Variants in KLHDC4 observed in about 807,000 individuals in gnomAD.
KLHDC4 encodes the protein kelch domain containing 4.
In KLHDC4, 90 loss-of-function variants were observed where a neutral mutation model predicts 62.4. The observed-to-expected ratio is 1.44, with a 90% CI of 1.22 to 1.72. The LOEUF (loss-of-function observed/expected upper bound fraction) is 1.72. Among genes scored for constraint, KLHDC4 ranks in the 40% most tolerant of loss-of-function variants. The pLI, the probability that KLHDC4 is intolerant of heterozygous loss-of-function variation, is 0.00. For synonymous variants in KLHDC4, 386 were observed against 284.4 expected, an observed-to-expected ratio of 1.36 and a Z score of -3.59; for missense variants, 1,025 against 699.7, an observed-to-expected ratio of 1.47 and a Z score of -5.25.
At chr16:87,737,924 G>A (rs1390993296) in intron 5 of KLHDC4, among the ~76,000 whole-genome samples, 3 of 152,114 alleles carry the variant, frequency 2.0e-5, no homozygotes, top group Non-Finnish European at 4.4e-5. Context: ...TCCCACCTCC[G>A]TCCTATCAGA....
At position 87,720,346 on chromosome 16, in the gene KLHDC4, G is replaced by A. The variant is rs114557962; in HGVS notation, c.760-5773C>T. Among the ~76,000 whole-genome samples the A allele has an allele frequency of 3.2e-3, 481 of 152,246 alleles. 1 individual carries two copies. Among genetic ancestry groups the A allele is most frequent in the African/African-American group, 0.011 (466 of 41,536 alleles). On this transcript the variant is annotated intron_variant, in intron 7 of 11. Transcript: ENST00000270583. ...GTGTCGGTTCCAAGCGGACGTGTGTGAACACAGAAACCATGGGGGCCGCTC... is the reference window on the plus strand; with the variant it reads ...GTGTCGGTTCCAAGCGGACGTGTGTAAACACAGAAACCATGGGGGCCGCTC...
At chr16:87,739,734 G>A (rs35933214) in intron 5 of KLHDC4, 2,932 of 152,452 alleles carry the variant, frequency 0.019, 96 homozygotes, top group African/African-American at 0.067. Context: ...AGCACCACGC[G>A]GAAAGAAGAG....
At chr16:87,753,267 C>G (rs1047376290) in intron 4 of KLHDC4, among the ~76,000 whole-genome samples, 1 of 152,230 alleles carries the variant, frequency 6.6e-6, no homozygotes, top group African/African-American at 2.4e-5. Flanking sequence ...ACTGTGAAGA[C>G]AAAAGCATCT....
exon 1 of KLHDC4, chr16:87,702,468 T>C (rs563225880): frequency 2.8e-5 from 10 of 362,834 alleles, no homozygotes; most frequent in South Asian, 4.1e-5. Context: ...CGTCCCCAAA[T>C]GTAGCCACAT....
Position 87,761,983 on chromosome 16 carries a change from T to G in KLHDC4, c.157A>C (p.Thr53Pro), listed in dbSNP as rs375989397. 4.2e-5 allele frequency: 67 copies of G among 1,614,006 alleles called. No homozygotes were observed. The African/African-American group carries it at 8.0e-4, about 19-fold the overall frequency. ...GGTGGGGGGCACGGAAGTTCCACAGTCTGAGTCCTCTTGGCATCGAGTGTC... is the reference window on the plus strand; with the variant it reads ...GGTGGGGGGCACGGAAGTTCCACAGGCTGAGTCCTCTTGGCATCGAGTGTC... Reference protein sequence around the residue: ...FQTLDAKRTQTVELPCPPPSP... With the variant: ...FQTLDAKRTQPVELPCPPPSP... The change falls in exon 2 of 12, where the codon ACT becomes CCT. Residue 53 changes from threonine to proline, a missense_variant. Transcript: ENST00000270583.
At chr16:87,720,693 G>C (rs759963324) in intron 7 of KLHDC4, among the ~76,000 whole-genome samples, 1 of 152,250 alleles carries the variant, frequency 6.6e-6, no homozygotes, top group Non-Finnish European at 1.5e-5. Context: ...CCTCCAGGCA[G>C]AGCTGCTGCT....
intron 4 of KLHDC4, 114 bp downstream of exon 4, chr16:87,755,080 C>G (rs1019797): frequency 0.28 from 185,806 of 669,674 alleles, 28,063 homozygotes; most frequent in South Asian, 0.47. Flanking sequence ...ACCAGGCGAT[C>G]TACAGGGCCC....
downstream of KLHDC4, among the ~76,000 whole-genome samples, chr16:87,706,306 A>C (rs768488529): frequency 5.2e-4 from 68 of 131,148 alleles, no homozygotes; most frequent in Non-Finnish European, 8.9e-4. Context: ...GGCACAACCC[A>C]AACACAAGCT....
At chr16:87,741,118 G>C (rs899715678) in intron 5 of KLHDC4, among the ~76,000 whole-genome samples, 3 of 152,184 alleles carry the variant, frequency 2.0e-5, no homozygotes, top group African/African-American at 7.2e-5. Flanking sequence ...GAAGATGAGG[G>C]ACTGTTACAA....
chr16:87,751,835 A>G (rs1347152642), intron 4 of KLHDC4, among the ~76,000 whole-genome samples: 1 of 152,206 alleles, frequency 6.6e-6, no homozygotes, highest in South Asian at 2.1e-4. Context: ...GCACTTTGGG[A>G]GGCCGAGGCG....
intron 5 of KLHDC4, chr16:87,747,462 G>C (rs2043208391): frequency 6.6e-6 from 1 of 152,196 alleles, no homozygotes. Flanking sequence ...TTTTTAGCAT[G>C]AAAGTAATTT....
intron 2 of KLHDC4, among the ~76,000 whole-genome samples, chr16:87,759,149 G>T (rs1731775737): frequency 6.6e-6 from 1 of 152,130 alleles, no homozygotes; most frequent in South Asian, 2.1e-4. Context: ...TCCAGCCTGG[G>T]CAACAAGAGC....
intron 8 of KLHDC4, among the ~76,000 whole-genome samples, chr16:87,711,723 G>C (rs1032579119): frequency 6.6e-6 from 1 of 152,192 alleles, no homozygotes; most frequent in Non-Finnish European, 1.5e-5. Context: ...GAAAGGCAGG[G>C]ATTGGGCAGA....
At chr16:87,711,953 G>A (rs976695045) in intron 8 of KLHDC4, among the ~76,000 whole-genome samples, 33 of 148,554 alleles carry the variant, frequency 2.2e-4, no homozygotes, top group African/African-American at 6.3e-4. Flanking sequence ...GGGACCCTCC[G>A]CCCTGCAAGG....
At chr16:87,707,784 G>A, downstream of KLHDC4, 1 of 366,532 alleles carries the variant, frequency 2.7e-6, no homozygotes, top group Non-Finnish European at 5.5e-6. Context: ...TGTGCCTAGG[G>A]CCACACAGAA....
At chr16:87,748,625 G>A in intron 5 of KLHDC4, 48 bp downstream of exon 5, 1 of 1,610,690 alleles carries the variant, frequency 6.2e-7, no homozygotes, top group Non-Finnish European at 8.5e-7. Flanking sequence ...CAGCACACAA[G>A]CACAGAAGAG....
rs764198661 is a variant in KLHDC4, at chr16:87,714,479, G to T, written c.835+19C>A. On this transcript the variant is annotated intron_variant, in intron 8 of 11. Transcript: ENST00000270583. ...ACACAGACCAGCCAGCTCCCGCCCT[G>T]GAGGCACAGCACCTCTACCTTCTCT... The T allele has an allele frequency of 2.8e-5, 45 of 1,613,712 alleles. No individual in the cohort carries two copies. Among genetic ancestry groups the T allele is most frequent in the Non-Finnish European group, 3.6e-5 (43 of 1,179,880 alleles).
intron 5 of KLHDC4, among the ~76,000 whole-genome samples, chr16:87,732,256 C>A (rs551381330): frequency 1.3e-5 from 2 of 152,130 alleles, no homozygotes; most frequent in African/African-American, 4.8e-5. Flanking sequence ...CCACCACGAC[C>A]AGCTAATTTT....
At chr16:87,709,903 AC>A in intron 9 of KLHDC4, 1 of 559,554 alleles carries the variant, frequency 1.8e-6, no homozygotes. Context: ...AAAACCCCCC[AC>A]TGCGTGTCCT....
Sources: gnomAD v4.1 joint callset for allele counts (sites outside exome capture counted in the v4.1 genomes callset) on GRCh38, gnomAD v4.1.1 for gene constraint, MANE v1.5 for transcripts, NCBI Gene and HGNC (gene_info 2026-07-23, HGNC 2026-07-21) for gene names.